ANO1: variants seen among roughly 807,000 people sequenced by gnomAD.
ANO1 encodes anoctamin 1.
A neutral mutation model predicts 124.0 loss-of-function variants in ANO1; 59 were observed. The ratio of observed to expected loss-of-function variants is 0.48; its 90% confidence interval spans 0.39 to 0.59. ANO1 has a LOEUF of 0.59. Ranked by LOEUF, ANO1 falls within the 20% of genes least tolerant of loss-of-function variation. The pLI, the probability that ANO1 is intolerant of heterozygous loss-of-function variation, is 0.00. For synonymous variants in ANO1, 529 were observed against 532.0 expected (o/e 0.99, Z 0.08); for missense variants, 1,059 against 1,328.0 (o/e 0.80, Z 3.15).
upstream of ANO1, among the ~76,000 whole-genome samples, chr11:69,983,019 GCA>G (rs1430637734): frequency 1.3e-5 from 2 of 152,144 alleles, no homozygotes; most frequent in African/African-American, 4.8e-5. Context: ...AAGGAGAAAT[GCA>G]CAGAGGGAGG....
chr11:70,036,087 G>C (rs555234858), intron 1 of ANO1, among the ~76,000 whole-genome samples: 12 of 152,228 alleles, frequency 7.9e-5, no homozygotes, highest in African/African-American at 2.9e-4. Context: ...CCATCAACTG[G>C]GGGCCTTCAG....
the ANO1 span, among the ~76,000 whole-genome samples, chr11:69,969,695 T>A: frequency 0.024 from 3,688 of 152,164 alleles, 86 homozygotes; most frequent in African/African-American, 0.056. Flanking sequence ...ACACCTGTAA[T>A]CCCAGCACTT....
At chr11:70,015,454 C>A (rs564171949) in intron 1 of ANO1, among the ~76,000 whole-genome samples, 1 of 152,124 alleles carries the variant, frequency 6.6e-6, no homozygotes, top group South Asian at 2.1e-4. Flanking sequence ...TGTCACCCGG[C>A]GTGCTCACTC....
upstream of ANO1, among the ~76,000 whole-genome samples, chr11:69,982,030 G>C (rs1440610611): frequency 2.6e-5 from 4 of 152,138 alleles, no homozygotes; most frequent in African/African-American, 9.7e-5. Flanking sequence ...GACTGGGGGA[G>C]GGGGGAGATG....
At chr11:69,983,681 A>G (rs781881403), upstream of ANO1, among the ~76,000 whole-genome samples, 5 of 152,210 alleles carry the variant, frequency 3.3e-5, no homozygotes, top group Non-Finnish European at 7.3e-5. Flanking sequence ...CCAAAATAGC[A>G]GCCGAGAGCA....
intron 18 of ANO1, among the ~76,000 whole-genome samples, chr11:70,162,048 GAC>G (rs2048066950): frequency 6.7e-6 from 1 of 150,256 alleles, no homozygotes; most frequent in Non-Finnish European, 1.5e-5. Context: ...AGGCAGTGAG[GAC>G]CGGGGAGTGA....
chr11:69,981,717 C>A (rs1234005661), upstream of ANO1, among the ~76,000 whole-genome samples: 1 of 152,252 alleles, frequency 6.6e-6, no homozygotes, highest in Non-Finnish European at 1.5e-5. Flanking sequence ...TGCCCAGCCC[C>A]ACCCCAGCCC....
intron 1 of ANO1, among the ~76,000 whole-genome samples, chr11:69,989,012 G>A (rs1470771650): frequency 6.6e-6 from 1 of 152,032 alleles, no homozygotes; most frequent in Non-Finnish European, 1.5e-5. Context: ...AGGGACGGAG[G>A]GAGGGAGGGA....
chr11:70,135,336 T>C (rs936210936), intron 11 of ANO1, among the ~76,000 whole-genome samples: 9 of 152,218 alleles, frequency 5.9e-5, no homozygotes, highest in African/African-American at 2.2e-4. Context: ...TTAGCTCTCA[T>C]GCTATTCCCA....
At chr11:70,103,275 C>T in intron 3 of ANO1, 111 bp downstream of exon 3, 1 of 768,166 alleles carries the variant, frequency 1.3e-6, no homozygotes, top group Non-Finnish European at 2.1e-6. Flanking sequence ...AAAAAAAAAA[C>T]CCAGTGGGCT....
chr11:69,998,781 C>T (rs1856324821), intron 1 of ANO1, among the ~76,000 whole-genome samples: 1 of 152,046 alleles, frequency 6.6e-6, no homozygotes, highest in East Asian at 1.9e-4. Flanking sequence ...AACCCCATCT[C>T]TACTAAAAAT....
chr11:70,093,488 G>A (rs1182890212), intron 2 of ANO1, among the ~76,000 whole-genome samples: 1 of 152,214 alleles, frequency 6.6e-6, no homozygotes, highest in Non-Finnish European at 1.5e-5. Context: ...ATGTCCATGG[G>A]GTCATTGCGG....
At chr11:69,967,303 T>C in the ANO1 span, among the ~76,000 whole-genome samples, 1 of 152,140 alleles carries the variant, frequency 6.6e-6, no homozygotes, top group African/African-American at 2.4e-5. Context: ...AGCGCCTGTA[T>C]CGCACATTAG....
intron 1 of ANO1, among the ~76,000 whole-genome samples, chr11:69,990,139 C>T (rs555025339): frequency 6.6e-6 from 1 of 152,268 alleles, no homozygotes; most frequent in African/African-American, 2.4e-5. Flanking sequence ...CAGTCACTTC[C>T]CATTCCCCAC....
At chr11:69,983,130 T>C (rs569801688), upstream of ANO1, among the ~76,000 whole-genome samples, 4 of 152,182 alleles carry the variant, frequency 2.6e-5, no homozygotes, top group African/African-American at 9.6e-5. Flanking sequence ...TGCATGATGG[T>C]GCTGGTGGCC....
chr11:70,128,892 G>T (rs533143717), intron 10 of ANO1, among the ~76,000 whole-genome samples: 2 of 152,238 alleles, frequency 1.3e-5, no homozygotes, highest in African/African-American at 4.8e-5. Flanking sequence ...GAGCGGTAGG[G>T]CTCATGGGCA....
At chr11:70,130,801 G>T (rs1438651577) in intron 10 of ANO1, among the ~76,000 whole-genome samples, 2 of 152,192 alleles carry the variant, frequency 1.3e-5, no homozygotes, top group African/African-American at 4.8e-5. Context: ...GAGCCTACAG[G>T]GTGGGCCTCC....
chr11:70,110,068 T>C (rs7948229), intron 6 of ANO1, among the ~76,000 whole-genome samples: 124,666 of 151,964 alleles, frequency 0.82, 51,423 homozygotes, highest in Middle Eastern at 0.9. Flanking sequence ...AGAGAAGGCC[T>C]TCCAGATGGA....
At chr11:70,062,544 T>C (rs531298277) in intron 1 of ANO1, among the ~76,000 whole-genome samples, 1 of 152,216 alleles carries the variant, frequency 6.6e-6, no homozygotes, top group East Asian at 1.9e-4. Context: ...GAACGGACCA[T>C]GCTGGGGTGA....
Sources: gnomAD v4.1 joint callset for allele counts (sites outside exome capture counted in the v4.1 genomes callset) on GRCh38, gnomAD v4.1.1 for gene constraint, MANE v1.5 for transcripts, NCBI Gene and HGNC (gene_info 2026-07-23, HGNC 2026-07-21) for gene names.